The following PYGL variants were observed in gnomAD, a reference collection of about 807,000 sequenced individuals.
PYGL encodes the protein glycogen phosphorylase L.
A neutral mutation model predicts 100.1 loss-of-function variants in PYGL; 90 were observed. The observed-to-expected ratio is 0.90, with a 90% CI of 0.76 to 1.07. The LOEUF is 1.07. Among genes scored for constraint, PYGL ranks in the 50% least tolerant of loss-of-function variants. The probability of loss-of-function intolerance (pLI) is 0.00; values close to 1 mark genes in which losing one functional copy is unlikely to be tolerated. For missense variants in PYGL, 1,016 were observed against 1,057.6 expected (o/e 0.96, Z 0.55); for synonymous variants, 373 against 393.0 (o/e 0.95, Z 0.60).
In PYGL at chr14:50,911,730, C is replaced by G; in HGVS notation, c.1969G>C (p.Val657Leu). The change falls in exon 16 of 20, where the codon GTC becomes CTC. Residue 657 changes from valine to leucine, a missense_variant and splice_region_variant. Physicochemically the swap from Val to Leu is conservative, Grantham distance 32 (BLOSUM62 1). Coordinates refer to ENST00000216392, the MANE Select transcript of PYGL (RefSeq NM_002863.5). ...ENYRVSLAEK[V>L]IPATDLSEQI... is the part of the protein sequence containing the mutation. ...GCATATTTTGCAATGAGGGTAGTAC[C>G]TTTTTCAGCAAGAGATACTCTGTAG... 6.2e-7 allele frequency: 1 copy of G among 1,613,930 alleles called. No individual in the cohort carries two copies. Among genetic ancestry groups the G allele is most frequent in the Non-Finnish European group, 8.5e-7 (1 of 1,179,842 alleles).
At chr14:50,935,212 G>T in intron 2 of PYGL, 27 bp from the exon 3 acceptor site, 1 of 1,574,542 alleles carries the variant, frequency 6.4e-7, no homozygotes. Flanking sequence ...AACAATATTG[G>T]AAGCAGATAA....
intron 7 of PYGL, among the ~76,000 whole-genome samples, chr14:50,918,757 A>G (rs2050475323): frequency 6.6e-6 from 1 of 152,202 alleles, no homozygotes; most frequent in African/African-American, 2.4e-5. Flanking sequence ...GAACTTATCC[A>G]TGTAACCAAA....
At chr14:50,927,499 A>G (rs1364632087) in intron 4 of PYGL, among the ~76,000 whole-genome samples, 1 of 152,252 alleles carries the variant, frequency 6.6e-6, no homozygotes, top group Non-Finnish European at 1.5e-5. Flanking sequence ...TGCTGGGATT[A>G]CAGGCGTGAG....
intron 1 of PYGL, among the ~76,000 whole-genome samples, chr14:50,939,641 C>T (rs1408479715): frequency 6.6e-6 from 1 of 150,944 alleles, no homozygotes; most frequent in African/African-American, 2.4e-5. Context: ...TCTTATTCTC[C>T]AATCATCTAT....
chr14:50,924,122 C>T lies in PYGL; in HGVS notation c.529-22G>A, dbSNP rs41317304. The T allele has an allele frequency of 0.04, 64,794 of 1,610,916 alleles. 1,719 individuals carry two copies. Among genetic ancestry groups the T allele is most frequent in the African/African-American group, 0.12 (9,025 of 74,842 alleles). ...CTACCTGCAAAAGGATACAGTATTG[C>T]TTAGAATTTATTTGTCAGGAAATAT... On this transcript the variant is annotated intron_variant, in intron 4 of 19. Transcript: ENST00000216392.
In PYGL at chr14:50,915,959, T is replaced by C; in HGVS notation, c.1105A>G (p.Thr369Ala). 1.2e-6 allele frequency: 2 copies of C among 1,614,048 alleles called. No homozygotes were observed. The highest frequency in any genetic ancestry group is 1.7e-6 in the Non-Finnish European group (2 of 1,179,962). Residue 369 changes from threonine (T) to alanine (A), a missense_variant, in exon 10 of 20, where the codon ACC (threonine) becomes GCC (alanine). By Grantham distance (58) the Thr-to-Ala change is moderately conservative. Coordinates refer to ENST00000216392, the MANE Select transcript of PYGL (RefSeq NM_002863.5). ...TTGGTGTAGGCGAAGGTCTTCTGGGTGAGCTCCCATGCCTGGGGGAAAGGA... is the reference window on the plus strand; with the variant it reads ...TTGGTGTAGGCGAAGGTCTTCTGGGCGAGCTCCCATGCCTGGGGGAAAGGA... ...KLPWSKAWEL[T>A]QKTFAYTNHT...
At chr14:50,925,696 G>A (rs1305379626) in intron 4 of PYGL, among the ~76,000 whole-genome samples, 1 of 152,176 alleles carries the variant, frequency 6.6e-6, no homozygotes, top group Non-Finnish European at 1.5e-5. Flanking sequence ...TGATAGTGTT[G>A]TTTATCAAGA....
In PYGL at chr14:50,907,993, G is replaced by A. The variant is rs184623798; in HGVS notation, c.2379+278C>T. 1.5e-4 allele frequency: 51 copies of A among 340,494 alleles called. No homozygotes were observed. In the East Asian group the frequency reaches 3.5e-3, roughly 23 times the overall value. The allele number at this position is 340,494 out of a possible 1,614,324, so 21.1% of individuals were successfully genotyped here. ...GTCAGGATCACGCCGCTGCACTCCC[G>A]TCTGAGTGACAGAGCGAGATCTGTC... On this transcript the variant is annotated intron_variant, in intron 19 of 19. Transcript: ENST00000216392.
chr14:50,919,452 C>A (rs1485417021), intron 7 of PYGL, among the ~76,000 whole-genome samples: 1 of 152,154 alleles, frequency 6.6e-6, no homozygotes. Flanking sequence ...AGGTGGACAT[C>A]TGGTATTAAG....
Position 50,908,818 on chromosome 14 carries a change from C to T in PYGL, c.2312+3G>A. The T allele has an allele frequency of 6.4e-7, 1 of 1,562,958 alleles. No individual in the cohort carries two copies. The highest frequency in any genetic ancestry group is 1.1e-5 in the South Asian group (1 of 90,034). ...ATAGCACCATCTTCTTATGGGAACT[C>T]ACCTGTCATGATAAAATAGCATGTT... On this transcript the variant is annotated splice_donor_region_variant and intron_variant, in intron 18 of 19. Transcript: ENST00000216392.
chr14:50,911,622 C>T, intron 16 of PYGL, 108 bp downstream of exon 16: 1 of 1,427,474 alleles, frequency 7.0e-7, no homozygotes. Flanking sequence ...AGAGTGACAC[C>T]TTCTATCCTA....
rs149605106 is a variant in PYGL at position 50,910,019 on chromosome 14, T to G, written c.2053A>C (p.Asn685His). 1.2e-6 allele frequency: 2 copies of G among 1,614,114 alleles called. No homozygotes were observed. Among genetic ancestry groups the G allele is most frequent in the African/African-American group, 2.7e-5 (2 of 74,944 alleles). The change falls in exon 17 of 20, where the codon AAT (asparagine) becomes CAT (histidine). Residue 685 changes from asparagine to histidine, a missense_variant. By Grantham distance (68) the Asn-to-His change is moderately conservative. Transcript: ENST00000216392. ...ATGGTCCCGATAGTTAGGGCCCCAT[T>G]TAGCATGAACTTCATATTGCCTGTC... Reference protein sequence around the residue: ...SGTGNMKFMLNGALTIGTMDG... With the variant: ...SGTGNMKFMLHGALTIGTMDG...
In PYGL at chr14:50,905,575, T is replaced by C. The variant is rs1477872576; in HGVS notation, c.2380-19A>G. ...TTGGATTCTGTAAACAACATATGCA[T>C]ATACAGCCCAGAGTCCCAGTGCGCA... On this transcript the variant is annotated intron_variant, in intron 19 of 19. Coordinates refer to ENST00000216392, the MANE Select transcript of PYGL (RefSeq NM_002863.5). The C allele has an allele frequency of 1.2e-6, 2 of 1,613,328 alleles. No homozygotes were observed. Among genetic ancestry groups the C allele is most frequent in the South Asian group, 1.1e-5 (1 of 91,084 alleles).
rs541861692 is a variant in PYGL at position 50,917,204 on chromosome 14, A to T, written c.856-99T>A. On this transcript the variant is annotated intron_variant, in intron 7 of 19. Coordinates refer to ENST00000216392, the MANE Select transcript of PYGL (RefSeq NM_002863.5). Reference sequence around the variant, plus strand: ...ACTAGGAACTTTAAGACTAAGGCCCATTGGACATCTGCTGAGGGGTGGTGG... The same window carrying T: ...ACTAGGAACTTTAAGACTAAGGCCCTTTGGACATCTGCTGAGGGGTGGTGG... 118 of 1,331,136 alleles carry T rather than the reference A, an allele frequency of 8.9e-5. No homozygotes were observed. The African/African-American group carries it at 1.3e-3, about 15-fold the overall frequency. 82.5% of individuals were successfully genotyped at this position (1,331,136 alleles called of 1,614,324 possible). A position where few individuals can be genotyped will look rare whatever the true frequency, so the allele number is the denominator to read the frequency against.
At chr14:50,941,729 G>T (rs1453802902) in intron 1 of PYGL, among the ~76,000 whole-genome samples, 2 of 152,086 alleles carry the variant, frequency 1.3e-5, no homozygotes, top group East Asian at 1.9e-4. Context: ...AATACAAAAA[G>T]TAGCTGGGCA....
intron 1 of PYGL, among the ~76,000 whole-genome samples, chr14:50,942,822 CAAACAAAACAAAACA>C (rs35049468): frequency 7.7e-5 from 10 of 130,054 alleles, no homozygotes; most frequent in South Asian, 2.8e-4. Flanking sequence ...GACTCTGTCT[CAAACAAAACAAAACA>C]AAACAAAACA....
intron 19 of PYGL, among the ~76,000 whole-genome samples, chr14:50,906,065 A>T (rs776577280): frequency 6.6e-6 from 1 of 152,340 alleles, no homozygotes; most frequent in Middle Eastern, 3.4e-3. Context: ...CTTTCTGAAG[A>T]TACGCACCCT....
At chr14:50,921,211 G>A (rs772344982) in intron 5 of PYGL, 144 bp from the exon 6 acceptor site, 6 of 669,852 alleles carry the variant, frequency 9.0e-6, no homozygotes, top group Admixed American at 2.2e-5. Context: ...GGAGAAGAGG[G>A]TCTCAGGGCT....
intron 2 of PYGL, among the ~76,000 whole-genome samples, chr14:50,936,123 C>T (rs754720567): frequency 6.6e-6 from 1 of 152,326 alleles, no homozygotes; most frequent in Non-Finnish European, 1.5e-5. Flanking sequence ...AGGCAAATGA[C>T]TTGTTCCATC....
Sources: allele counts gnomAD v4.1 joint callset (sites outside exome capture counted in the v4.1 genomes callset), GRCh38; gene constraint gnomAD v4.1.1; transcripts MANE v1.5; gene names NCBI Gene and HGNC (gene_info 2026-07-23, HGNC 2026-07-21).